MARCHF1: variants seen among roughly 807,000 people sequenced by gnomAD.
The protein encoded by MARCHF1 is E3 ubiquitin-protein ligase MARCHF1.
MARCHF1 carries 40 observed loss-of-function variants against 54.2 expected under a neutral mutation model. The ratio of observed to expected loss-of-function variants is 0.74; its 90% CI spans 0.57 to 0.96. The LOEUF (loss-of-function observed/expected upper bound fraction) is 0.96. Ranked by LOEUF, MARCHF1 falls within the 40% of genes least tolerant of loss-of-function variation. The pLI is 0.00. For synonymous variants in MARCHF1, 236 were observed against 236.3 expected (o/e 1.00, Z 0.01); for missense variants, 586 against 656.5 (o/e 0.89, Z 1.17).
chr4:164,379,903 G>T (rs183898979), intron 1 of MARCHF1, among the ~76,000 whole-genome samples: 1 of 151,900 alleles, frequency 6.6e-6, no homozygotes, highest in Non-Finnish European at 1.5e-5. Context: ...AGCAGTGATT[G>T]CGCCACTGCA....
intron 1 of MARCHF1, among the ~76,000 whole-genome samples, chr4:164,149,061 C>A (rs1729855969): frequency 6.6e-6 from 1 of 152,050 alleles, no homozygotes; most frequent in Non-Finnish European, 1.5e-5. Flanking sequence ...GAGTTTTTAC[C>A]CTATGAGTTC....
intron 4 of MARCHF1, among the ~76,000 whole-genome samples, chr4:163,838,599 G>T (rs1749255471): frequency 6.6e-6 from 1 of 151,958 alleles, no homozygotes; most frequent in African/African-American, 2.4e-5. Context: ...AATAATAAAA[G>T]AACAAAATAA....
intron 1 of MARCHF1, among the ~76,000 whole-genome samples, chr4:164,176,966 CTCTCT>C (rs1730689393): frequency 6.4e-5 from 3 of 46,736 alleles, no homozygotes; most frequent in African/African-American, 3.2e-4. Context: ...CTCTCTCTCT[CTCTCT>C]CTCTCTCTCT....
At chr4:163,753,444 CT>C (rs1334774929) in intron 4 of MARCHF1, among the ~76,000 whole-genome samples, 1 of 151,970 alleles carries the variant, frequency 6.6e-6, no homozygotes, top group Admixed American at 6.6e-5. Flanking sequence ...TTTATTCTCT[CT>C]TTTTTCTATT....
At chr4:163,719,845 G>C (rs1437401647) in intron 4 of MARCHF1, among the ~76,000 whole-genome samples, 1 of 152,162 alleles carries the variant, frequency 6.6e-6, no homozygotes, top group African/African-American at 2.4e-5. Context: ...AGAAGTGTCT[G>C]TTCATATTCT....
Position 163,680,887 on chromosome 4 carries a change from A to G in MARCHF1, c.162+19926T>C, listed in dbSNP as rs540453348. ...TTGCTTGAATGACTCATTACACTGT[A>G]AATTGTATGGCTCATCATTGTATTT... is the stretch of plus-strand genomic sequence containing the variant. On this transcript the variant is annotated intron_variant, in intron 5 of 9. Transcript: ENST00000514618. 8.5e-5 allele frequency among the ~76,000 whole-genome samples: 13 copies of G among 152,106 alleles called. No individual in the cohort carries two copies. In the South Asian group the frequency reaches 2.7e-3, roughly 31 times the overall value.
intron 1 of MARCHF1, among the ~76,000 whole-genome samples, chr4:164,361,453 G>T (rs1001852855): frequency 6.6e-6 from 1 of 152,022 alleles, no homozygotes; most frequent in African/African-American, 2.4e-5. Context: ...ATTCCATTAT[G>T]GGCCTTACCA....
At chr4:164,248,304 A>C (rs925446102) in intron 1 of MARCHF1, among the ~76,000 whole-genome samples, 7 of 152,048 alleles carry the variant, frequency 4.6e-5, no homozygotes, top group Non-Finnish European at 1.0e-4. Flanking sequence ...AGTTGAATTT[A>C]ATTAAAAAAT....
At chr4:164,066,747 C>T (rs1754738100) in intron 2 of MARCHF1, among the ~76,000 whole-genome samples, 1 of 152,046 alleles carries the variant, frequency 6.6e-6, no homozygotes, top group South Asian at 2.1e-4. Flanking sequence ...AGGCCATTAC[C>T]CTTAGCAAAG....
At chr4:163,660,108 G>A (rs766500902) in intron 5 of MARCHF1, among the ~76,000 whole-genome samples, 11 of 152,024 alleles carry the variant, frequency 7.2e-5, no homozygotes, top group African/African-American at 1.2e-4. Context: ...GTACATGTAC[G>A]TTTACTGCAA....
chr4:163,693,588 G>T (rs1744529032), intron 5 of MARCHF1, among the ~76,000 whole-genome samples: 1 of 151,384 alleles, frequency 6.6e-6, no homozygotes, highest in Non-Finnish European at 1.5e-5. Context: ...GAGAACTGCA[G>T]TGAAAACCCT....
chr4:164,064,299 G>C (rs758043226), intron 2 of MARCHF1, among the ~76,000 whole-genome samples: 1 of 152,182 alleles, frequency 6.6e-6, no homozygotes. Context: ...CATGAACATG[G>C]AGTGTTCTTC....
intron 3 of MARCHF1, among the ~76,000 whole-genome samples, chr4:163,963,296 T>C (rs1752375745): frequency 6.6e-6 from 1 of 151,914 alleles, no homozygotes; most frequent in Non-Finnish European, 1.5e-5. Flanking sequence ...TCTCAGAGGT[T>C]TCTAGTGACT....
At chr4:164,009,092 C>T (rs1218688553) in intron 2 of MARCHF1, among the ~76,000 whole-genome samples, 2 of 151,772 alleles carry the variant, frequency 1.3e-5, no homozygotes, top group Non-Finnish European at 2.9e-5. Context: ...ATAGAAGACC[C>T]AAATAAATAA....
At chr4:163,533,364 T>C (rs1218316791) in intron 9 of MARCHF1, among the ~76,000 whole-genome samples, 3 of 151,886 alleles carry the variant, frequency 2.0e-5, no homozygotes, top group Admixed American at 1.3e-4. Flanking sequence ...AAGGGATGAA[T>C]AGGTGGAACA....
At chr4:164,298,884 T>G (rs1734478888) in intron 1 of MARCHF1, among the ~76,000 whole-genome samples, 2 of 152,268 alleles carry the variant, frequency 1.3e-5, no homozygotes, top group South Asian at 4.1e-4. Flanking sequence ...AAATAGAAGA[T>G]AATTCACTTC....
At chr4:164,128,620 A>G (rs116022917) in intron 1 of MARCHF1, among the ~76,000 whole-genome samples, 1,541 of 152,270 alleles carry the variant, frequency 0.01, 32 homozygotes, top group East Asian at 0.081. Flanking sequence ...TTGAGAAGAA[A>G]TATTGGCAAG....
chr4:163,994,301 T>A (rs1222922426), intron 2 of MARCHF1, among the ~76,000 whole-genome samples: 11 of 143,514 alleles, frequency 7.7e-5, no homozygotes, highest in South Asian at 2.2e-4. Context: ...TGTGTGTGTG[T>A]GAGTGTGGTG....
At chr4:164,235,762 T>TA (rs144662982) in intron 1 of MARCHF1, among the ~76,000 whole-genome samples, 2,859 of 151,612 alleles carry the variant, frequency 0.019, 97 homozygotes, top group East Asian at 0.12. Flanking sequence ...GCCCTGGGGA[T>TA]AAAAAAAACC....
Sources: gnomAD v4.1 joint callset for allele counts (sites outside exome capture counted in the v4.1 genomes callset) on GRCh38, gnomAD v4.1.1 for gene constraint, MANE v1.5 for transcripts, NCBI Gene and HGNC (gene_info 2026-07-23, HGNC 2026-07-21) for gene names.